PCDHA3: variants seen among roughly 807,000 people sequenced by gnomAD.
The protein encoded by PCDHA3 is protocadherin alpha 3.
A neutral mutation model predicts 62.2 loss-of-function variants in PCDHA3; 41 were observed. That is an observed-to-expected ratio of 0.66 (90% CI 0.51 to 0.86). PCDHA3 has a LOEUF of 0.86. PCDHA3 is among the 40% of genes least tolerant of loss of function. The probability of loss-of-function intolerance (pLI) is 0.00; values close to 1 mark genes in which losing one functional copy is unlikely to be tolerated. For synonymous variants in PCDHA3, 640 were observed against 555.4 expected, an observed-to-expected ratio of 1.15 and a Z score of -2.14; for missense variants, 1,304 against 1,241.2, an observed-to-expected ratio of 1.05 and a Z score of -0.76.
At chr5:140,966,836 C>T in intron 1 of PCDHA3, 1 of 1,565,250 alleles carries the variant, frequency 6.4e-7, no homozygotes, top group Non-Finnish European at 8.6e-7. Context: ...GCCCTGGCTG[C>T]TGCTACTGCC....
At chr5:140,807,455 A>C (rs1763937265) in intron 1 of PCDHA3, 1 of 1,607,604 alleles carries the variant, frequency 6.2e-7, no homozygotes. Context: ...GAATTCTCGG[A>C]TCGACCGGGA....
Position 140,802,552 on chromosome 5 carries a change from C to G in PCDHA3, c.1355C>G (p.Ala452Gly). Residue 452 changes from alanine to glycine, a missense_variant, in exon 1 of 4, where the codon GCG (alanine) becomes GGG (glycine). Coordinates refer to ENST00000522353, the MANE Select transcript of PCDHA3 (RefSeq NM_018906.3). Reference sequence around the variant, plus strand: ...GAGGTGGCCGACGTGAACGACAATGCGCCGGCATTCTCGCAGTCCGAGTAC... The same window carrying G: ...GAGGTGGCCGACGTGAACGACAATGGGCCGGCATTCTCGCAGTCCGAGTAC... ...SVEVADVNDN[A>G]PAFSQSEYTV... 6.2e-7 allele frequency: 1 copy of G among 1,614,198 alleles called. No homozygotes were observed. The highest frequency in any genetic ancestry group is 8.5e-7 in the Non-Finnish European group (1 of 1,180,040).
At chr5:140,820,449 C>T (rs1175800232) in intron 1 of PCDHA3, among the ~76,000 whole-genome samples, 3 of 151,732 alleles carry the variant, frequency 2.0e-5, no homozygotes, top group Non-Finnish European at 4.4e-5. Context: ...TCTCTTGGTC[C>T]CTCTTGTCTT....
intron 3 of PCDHA3, among the ~76,000 whole-genome samples, chr5:140,999,452 G>A (rs141442204): frequency 6.4e-4 from 97 of 152,234 alleles, no homozygotes; most frequent in African/African-American, 2.1e-3. Flanking sequence ...TTCGTTCAAC[G>A]AATAAGTGGT....
chr5:140,808,115 T>C (rs782793067), intron 1 of PCDHA3: 1 of 1,614,098 alleles, frequency 6.2e-7, no homozygotes, highest in East Asian at 2.2e-5. Flanking sequence ...ATATATTGAC[T>C]TTGAAGAAAG....
chr5:140,849,032 C>T (rs2040752468), intron 1 of PCDHA3: 1 of 1,579,200 alleles, frequency 6.3e-7, no homozygotes, highest in Non-Finnish European at 8.6e-7. Flanking sequence ...AGTATTTCTT[C>T]CTGGACGTGC....
chr5:140,863,170 A>G (rs1458621286), intron 1 of PCDHA3: 2 of 688,322 alleles, frequency 2.9e-6, no homozygotes, highest in African/African-American at 1.8e-5. Flanking sequence ...GCTGGCGCTG[A>G]CTGCCACCGT....
At chr5:140,862,334 C>A in intron 1 of PCDHA3, 1 of 329,810 alleles carries the variant, frequency 3.0e-6, no homozygotes, top group Non-Finnish European at 6.0e-6. Flanking sequence ...TGTAATTGAC[C>A]CTAACTTCAG....
At chr5:140,920,425 C>T (rs1444166830) in intron 1 of PCDHA3, among the ~76,000 whole-genome samples, 1 of 151,960 alleles carries the variant, frequency 6.6e-6, no homozygotes, top group Non-Finnish European at 1.5e-5. Flanking sequence ...GCTGTTCTCC[C>T]ACACACCTCT....
intron 1 of PCDHA3, among the ~76,000 whole-genome samples, chr5:140,951,795 C>T (rs2094636851): frequency 6.6e-6 from 1 of 152,166 alleles, no homozygotes; most frequent in African/African-American, 2.4e-5. Context: ...ACAATTATCC[C>T]TTCCCAATGG....
intron 1 of PCDHA3, chr5:140,877,144 G>A (rs543806401): frequency 1.9e-6 from 3 of 1,613,772 alleles, no homozygotes; most frequent in South Asian, 2.2e-5. Context: ...CGTGCTGGAC[G>A]AGAACGACAA....
intron 1 of PCDHA3, chr5:140,884,342 G>T (rs782616190): frequency 6.2e-7 from 1 of 1,613,902 alleles, no homozygotes; most frequent in Admixed American, 1.7e-5. Flanking sequence ...TCCAGAAGCG[G>T]CGCTGGTGGA....
chr5:140,965,011 A>T (rs1418726287), intron 1 of PCDHA3, among the ~76,000 whole-genome samples: 1 of 152,186 alleles, frequency 6.6e-6, no homozygotes, highest in Non-Finnish European at 1.5e-5. Context: ...TGTCAGGATC[A>T]CAACCTTGGC....
intron 1 of PCDHA3, among the ~76,000 whole-genome samples, chr5:140,957,275 C>T (rs1203444899): frequency 6.6e-6 from 1 of 152,158 alleles, no homozygotes; most frequent in African/African-American, 2.4e-5. Flanking sequence ...CTAGTCCCCC[C>T]TTACCTGCAG....
At chr5:140,940,965 A>G (rs2092710706) in intron 1 of PCDHA3, among the ~76,000 whole-genome samples, 1 of 152,226 alleles carries the variant, frequency 6.6e-6, no homozygotes, top group Admixed American at 6.5e-5. Context: ...AATATGCAGG[A>G]TATCTGGTAT....
intron 1 of PCDHA3, chr5:140,927,689 G>A (rs781972370): frequency 5.6e-6 from 9 of 1,614,064 alleles, no homozygotes; most frequent in African/African-American, 2.7e-5. Flanking sequence ...GGGTCCAATG[G>A]GGAAGTCCAG....
chr5:140,942,619 TA>T (rs35075175), intron 1 of PCDHA3, among the ~76,000 whole-genome samples: 84,954 of 148,808 alleles, frequency 0.57, 24,471 homozygotes, highest in African/African-American at 0.7. Context: ...TTGCCAATTG[TA>T]AAAAAAAAAA....
At chr5:140,871,783 G>C (rs1460496699) in intron 1 of PCDHA3, among the ~76,000 whole-genome samples, 3 of 152,196 alleles carry the variant, frequency 2.0e-5, no homozygotes, top group African/African-American at 7.2e-5. Flanking sequence ...GTAGTCACTT[G>C]AGTAGAAATA....
At chr5:140,875,951 C>T in intron 1 of PCDHA3, 1 of 1,614,116 alleles carries the variant, frequency 6.2e-7, no homozygotes, top group South Asian at 1.1e-5. Context: ...GCTTCTGATG[C>T]GGATATCGGC....
Sources: allele counts gnomAD v4.1 joint callset (sites outside exome capture counted in the v4.1 genomes callset), GRCh38; gene constraint gnomAD v4.1.1; transcripts MANE v1.5; gene names NCBI Gene and HGNC (gene_info 2026-07-23, HGNC 2026-07-21).